Variants in TXNRD1 observed in about 807,000 individuals in gnomAD.
TXNRD1 encodes thioredoxin reductase 1, cytoplasmic.
TXNRD1 carries 57 observed loss-of-function variants against 80.3 expected under a neutral mutation model. The ratio of observed to expected loss-of-function variants is 0.71; its 90% CI spans 0.57 to 0.89. TXNRD1 has a LOEUF of 0.89. Ranked by LOEUF, TXNRD1 falls within the 40% of genes least tolerant of loss-of-function variation. The pLI, the probability that TXNRD1 is intolerant of heterozygous loss-of-function variation, is 0.00. For synonymous variants in TXNRD1, 291 were observed against 285.2 expected, an observed-to-expected ratio of 1.02 and a Z score of -0.20; for missense variants, 730 against 803.0, an observed-to-expected ratio of 0.91 and a Z score of 1.10.
intron 2 of TXNRD1, among the ~76,000 whole-genome samples, chr12:104,252,462 C>T (rs544565275): frequency 2.6e-4 from 39 of 151,060 alleles, no homozygotes; most frequent in African/African-American, 9.5e-4. Flanking sequence ...TAGTTTAGTC[C>T]ACCCTGAATA....
chr12:104,241,180 C>T (rs7487242), intron 1 of TXNRD1, among the ~76,000 whole-genome samples: 27,624 of 150,336 alleles, frequency 0.18, 3,162 homozygotes, highest in East Asian at 0.57. Context: ...GCTGGGACTA[C>T]GGGCTCACGC....
chr12:104,288,964 A>C lies in TXNRD1; in HGVS notation c.338A>C (p.Glu113Ala). Residue 113 changes from glutamate (E) to alanine (A), a missense_variant, in exon 4 of 17, where the codon GAA (glutamate) becomes GCA (alanine). Glu to Ala is a moderately radical substitution (Grantham distance 107). Transcript: ENST00000525566. Reference sequence around the variant, plus strand: ...CGGGCCCTGGAAGGAACGCTCTCGGAATTGGCCGCGGAAACCGATCTGCCC... The same window carrying C: ...CGGGCCCTGGAAGGAACGCTCTCGGCATTGGCCGCGGAAACCGATCTGCCC... The part of the protein sequence containing the change: ...DGRALEGTLS[E>A]LAAETDLPVV... 1 of 1,614,046 alleles carries C rather than the reference A, an allele frequency of 6.2e-7. No homozygotes were observed. Among genetic ancestry groups the C allele is most frequent in the Non-Finnish European group, 8.5e-7 (1 of 1,179,888 alleles).
chr12:104,328,164 A>T (rs1033018338), intron 13 of TXNRD1, among the ~76,000 whole-genome samples: 1 of 146,994 alleles, frequency 6.8e-6, no homozygotes, highest in South Asian at 2.1e-4. Flanking sequence ...GACTCCATCT[A>T]AAAAAAAAAA....
chr12:104,319,193 T>C, intron 8 of TXNRD1, 138 bp downstream of exon 8: 1 of 1,137,324 alleles, frequency 8.8e-7, no homozygotes. Context: ...GATTTTGCTA[T>C]CATATCATCC....
At chr12:104,243,662 T>C (rs186325270) in intron 1 of TXNRD1, among the ~76,000 whole-genome samples, 1 of 152,334 alleles carries the variant, frequency 6.6e-6, no homozygotes, top group East Asian at 1.9e-4. Context: ...GCAGTCCAGA[T>C]GCTTTTAACC....
chr12:104,223,619 T>C (rs924544466), intron 1 of TXNRD1, among the ~76,000 whole-genome samples: 4 of 152,176 alleles, frequency 2.6e-5, no homozygotes, highest in African/African-American at 9.7e-5. Flanking sequence ...TTTCTAGATG[T>C]GCTGGACTGG....
chr12:104,350,032 C>T lies in TXNRD1; in HGVS notation c.*1611C>T, dbSNP rs938440746. On this transcript the variant is annotated 3_prime_UTR_variant, in exon 17 of 17. Transcript: ENST00000525566. ...TTTAATTTGTTTTTTTCTCCAAGTC[C>T]ACCAGTCTCTGAAATTAGAACAGTA... 3 of 152,034 alleles carry T rather than the reference C, an allele frequency of 2.0e-5. No homozygotes were observed. The highest frequency in any genetic ancestry group is 7.2e-5 in the African/African-American group (3 of 41,396). The allele number at this position is 152,034 out of a possible 1,614,324, so 9.4% of individuals were successfully genotyped here. A position where few individuals can be genotyped will look rare whatever the true frequency, so the allele number is the denominator to read the frequency against.
intron 16 of TXNRD1, among the ~76,000 whole-genome samples, chr12:104,342,845 C>G (rs2036371433): frequency 6.6e-6 from 1 of 152,064 alleles, no homozygotes; most frequent in African/African-American, 2.4e-5. Flanking sequence ...GGAAGCGGGA[C>G]TGAGCGAGCA....
intron 1 of TXNRD1, among the ~76,000 whole-genome samples, chr12:104,242,737 T>C (rs901827406): frequency 3.3e-5 from 5 of 152,140 alleles, no homozygotes; most frequent in Non-Finnish European, 7.3e-5. Flanking sequence ...TGCTGAGTGA[T>C]CCAGTAAACC....
At chr12:104,265,414 A>C (rs2033458467) in intron 3 of TXNRD1, 4 of 1,604,922 alleles carry the variant, frequency 2.5e-6, no homozygotes, top group Non-Finnish European at 3.4e-6. Context: ...CTTTGCGCCT[A>C]ATCATGTCGT....
At chr12:104,289,569 A>G (rs1342796002) in intron 4 of TXNRD1, 1 of 152,862 alleles carries the variant, frequency 6.5e-6, no homozygotes, top group East Asian at 1.9e-4. Flanking sequence ...CAGAGTTAAT[A>G]GTTGGGTGAA....
chr12:104,217,484 AT>A (rs2032244007), intron 1 of TXNRD1, among the ~76,000 whole-genome samples: 1 of 151,600 alleles, frequency 6.6e-6, no homozygotes, highest in African/African-American at 2.4e-5. Flanking sequence ...CTAATTTTGT[AT>A]TTTTAATAGA....
At chr12:104,339,535 C>A in intron 16 of TXNRD1, 1 of 564,510 alleles carries the variant, frequency 1.8e-6, no homozygotes. Context: ...TTTATCATAT[C>A]TTCTAAATTA....
At chr12:104,250,364 C>T (rs975359967) in intron 1 of TXNRD1, among the ~76,000 whole-genome samples, 2 of 151,888 alleles carry the variant, frequency 1.3e-5, no homozygotes, top group Non-Finnish European at 2.9e-5. Context: ...AGATATGACA[C>T]CAAAAGTATA....
chr12:104,252,733 C>T (rs1242568136), intron 2 of TXNRD1, among the ~76,000 whole-genome samples: 25 of 97,510 alleles, frequency 2.6e-4, no homozygotes, highest in South Asian at 3.9e-4. Flanking sequence ...GACGGAGTCT[C>T]GCTCTGTTGC....
At chr12:104,302,725 G>C (rs35781144) in intron 4 of TXNRD1, among the ~76,000 whole-genome samples, 3 of 151,994 alleles carry the variant, frequency 2.0e-5, no homozygotes, top group African/African-American at 7.2e-5. Flanking sequence ...TCCTGACCTC[G>C]TGATCCGCCC....
At chr12:104,266,405 A>T (rs2033486549) in intron 3 of TXNRD1, among the ~76,000 whole-genome samples, 1 of 151,080 alleles carries the variant, frequency 6.6e-6, no homozygotes, top group Admixed American at 6.6e-5. Context: ...GCATGCTTGT[A>T]GTCCTACCTA....
chr12:104,241,023 G>A (rs1432827827), intron 1 of TXNRD1, among the ~76,000 whole-genome samples: 1 of 150,576 alleles, frequency 6.6e-6, no homozygotes, highest in Non-Finnish European at 1.5e-5. Flanking sequence ...TTACAGGCAT[G>A]AGTCACTGCG....
intron 1 of TXNRD1, among the ~76,000 whole-genome samples, chr12:104,225,524 G>C (rs1379188888): frequency 1.3e-5 from 2 of 152,122 alleles, no homozygotes; most frequent in Non-Finnish European, 2.9e-5. Flanking sequence ...AATCATGGGG[G>C]TGGTTTCTGC....
Sources: allele counts gnomAD v4.1 joint callset (sites outside exome capture counted in the v4.1 genomes callset), GRCh38; gene constraint gnomAD v4.1.1; transcripts MANE v1.5; gene names NCBI Gene and HGNC (gene_info 2026-07-23, HGNC 2026-07-21).